Variants in KCNMB2 observed in about 807,000 individuals in gnomAD.
The protein encoded by KCNMB2 is potassium calcium-activated channel subfamily M regulatory beta subunit 2.
Under a neutral mutation model 24.5 loss-of-function variants are expected in KCNMB2, and 9 were observed. The ratio of observed to expected loss-of-function variants is 0.37; its 90% CI spans 0.22 to 0.64. The LOEUF is 0.64. Ranked by LOEUF, KCNMB2 falls within the 30% of genes least tolerant of loss-of-function variation. The pLI is 0.63. For synonymous variants in KCNMB2, 109 were observed against 104.4 expected (o/e 1.04, Z -0.27); for missense variants, 226 against 284.3 (o/e 0.79, Z 1.47).
chr3:178,702,637 G>A (rs1176558678), intron 1 of KCNMB2, among the ~76,000 whole-genome samples: 1 of 151,916 alleles, frequency 6.6e-6, no homozygotes, highest in Non-Finnish European at 1.5e-5. Flanking sequence ...GACTTTTCAA[G>A]CAAAAATAAA....
At chr3:178,720,032 C>A (rs903633859) in intron 1 of KCNMB2, among the ~76,000 whole-genome samples, 20 of 151,694 alleles carry the variant, frequency 1.3e-4, no homozygotes, top group East Asian at 1.9e-4. Flanking sequence ...CACAACGTGC[C>A]GGTTAGTTAC....
chr3:178,760,721 A>G (rs915469950), intron 1 of KCNMB2, among the ~76,000 whole-genome samples: 4 of 151,908 alleles, frequency 2.6e-5, no homozygotes, highest in Admixed American at 2.0e-4. Flanking sequence ...GGGTGTAGTG[A>G]GGAAAGGCTT....
intron 1 of KCNMB2, among the ~76,000 whole-genome samples, chr3:178,738,593 A>G (rs1270163407): frequency 6.6e-6 from 1 of 152,086 alleles, no homozygotes; most frequent in Non-Finnish European, 1.5e-5. Context: ...TCCTTTGAAT[A>G]TCTTCTTTCC....
chr3:178,658,792 T>C (rs971867408), intron 1 of KCNMB2, among the ~76,000 whole-genome samples: 6 of 152,166 alleles, frequency 3.9e-5, no homozygotes, highest in Admixed American at 3.9e-4. Flanking sequence ...CTCAAAATAA[T>C]AATACACATG....
chr3:178,670,476 C>G (rs967280678), intron 1 of KCNMB2, among the ~76,000 whole-genome samples: 10 of 152,194 alleles, frequency 6.6e-5, no homozygotes, highest in East Asian at 5.8e-4. Flanking sequence ...GTGTTACGTG[C>G]CAGTGTTCTG....
At chr3:178,725,128 G>A (rs1431404603) in intron 1 of KCNMB2, among the ~76,000 whole-genome samples, 3 of 152,016 alleles carry the variant, frequency 2.0e-5, no homozygotes, top group African/African-American at 7.2e-5. Context: ...TAACAATATT[G>A]ATTCTTCCAA....
At chr3:178,609,848 G>A (rs544894429) in intron 1 of KCNMB2, among the ~76,000 whole-genome samples, 1 of 152,080 alleles carries the variant, frequency 6.6e-6, no homozygotes, top group Admixed American at 6.6e-5. Context: ...ACGTTGCTCA[G>A]GCTGGTTTCA....
intron 4 of KCNMB2, among the ~76,000 whole-genome samples, chr3:178,835,070 A>G (rs1407350143): frequency 1.3e-5 from 2 of 151,656 alleles, no homozygotes; most frequent in Non-Finnish European, 2.9e-5. Context: ...TCTAATCCCA[A>G]AGCGCCGAGA....
rs368729217 is a variant in KCNMB2 at position 178,609,668 on chromosome 3, C to T, written c.-68+72957C>T. Among the ~76,000 whole-genome samples the T allele has an allele frequency of 8.6e-5, 13 of 151,472 alleles. 1 individual carries two copies. Among genetic ancestry groups the T allele is most frequent in the Admixed American group, 4.6e-4 (7 of 15,230 alleles). ...ATTTTTTTTTTTTTGGCAGATTGTC[C>T]CTCTGTCATCCAGCTTGGAGTGCAG... On this transcript the variant is annotated intron_variant, in intron 1 of 4. Coordinates refer to ENST00000452583, the MANE Select transcript of KCNMB2 (RefSeq NM_181361.3).
chr3:178,668,216 T>C (rs894528336), intron 1 of KCNMB2, among the ~76,000 whole-genome samples: 2 of 151,996 alleles, frequency 1.3e-5, no homozygotes, highest in African/African-American at 4.8e-5. Flanking sequence ...GGAAGTGGGG[T>C]TATGTCAAGA....
At chr3:178,649,398 A>G (rs1720027759) in intron 1 of KCNMB2, among the ~76,000 whole-genome samples, 1 of 152,096 alleles carries the variant, frequency 6.6e-6, no homozygotes, top group Non-Finnish European at 1.5e-5. Context: ...GTAGGGATCC[A>G]GCTTTATTTT....
chr3:178,691,887 A>AT (rs36044256), intron 1 of KCNMB2, among the ~76,000 whole-genome samples: 35 of 151,760 alleles, frequency 2.3e-4, no homozygotes, highest in African/African-American at 6.3e-4. Flanking sequence ...TAAATATTCC[A>AT]TTTTTTTTCA....
intron 1 of KCNMB2, among the ~76,000 whole-genome samples, chr3:178,627,164 A>G (rs1293738384): frequency 2.6e-5 from 4 of 152,154 alleles, no homozygotes; most frequent in Admixed American, 6.5e-5. Flanking sequence ...CCGTGTTAAA[A>G]GTCTAAACTT....
chr3:178,744,407 G>C (rs1723593026), intron 1 of KCNMB2, among the ~76,000 whole-genome samples: 1 of 152,134 alleles, frequency 6.6e-6, no homozygotes, highest in South Asian at 2.1e-4. Flanking sequence ...GAAAGAAATA[G>C]TTATATCAGT....
intron 1 of KCNMB2, among the ~76,000 whole-genome samples, chr3:178,758,112 G>A (rs116619892): frequency 4.0e-4 from 23 of 57,870 alleles, no homozygotes; most frequent in Non-Finnish European, 6.7e-4. Flanking sequence ...ATACACACAA[G>A]AGGATATATA....
At chr3:178,595,059 CAA>C (rs57471892) in intron 1 of KCNMB2, among the ~76,000 whole-genome samples, 6 of 123,720 alleles carry the variant, frequency 4.8e-5, no homozygotes, top group Admixed American at 1.7e-4. Context: ...ACAGTATTTG[CAA>C]AAAAAAAAAA....
At chr3:178,729,979 GAT>G (rs1723091100) in intron 1 of KCNMB2, among the ~76,000 whole-genome samples, 1 of 152,136 alleles carries the variant, frequency 6.6e-6, no homozygotes, top group Non-Finnish European at 1.5e-5. Context: ...AGGAAACTGA[GAT>G]TGACAAAATA....
chr3:178,768,204 T>C (rs1712202552), intron 1 of KCNMB2, among the ~76,000 whole-genome samples: 1 of 152,156 alleles, frequency 6.6e-6, no homozygotes, highest in Admixed American at 6.5e-5. Flanking sequence ...GCCCCACTGC[T>C]GTGGCAGCAT....
intron 1 of KCNMB2, among the ~76,000 whole-genome samples, chr3:178,743,152 G>A (rs1723550954): frequency 6.6e-6 from 1 of 152,174 alleles, no homozygotes; most frequent in South Asian, 2.1e-4. Flanking sequence ...CAGGAGCCCT[G>A]TGACCATATC....
Sources: allele counts gnomAD v4.1 joint callset (sites outside exome capture counted in the v4.1 genomes callset), GRCh38; gene constraint gnomAD v4.1.1; transcripts MANE v1.5; gene names NCBI Gene and HGNC (gene_info 2026-07-23, HGNC 2026-07-21).